The following LMO7 variants were observed in gnomAD, a reference collection of about 807,000 sequenced individuals.
The protein encoded by LMO7 is LIM domain 7.
In LMO7, 120 loss-of-function variants were observed where a neutral mutation model predicts 206.5. That is an observed-to-expected ratio of 0.58 (90% confidence interval 0.50 to 0.68). The LOEUF is 0.68. Ranked by LOEUF, LMO7 falls within the 30% of genes least tolerant of loss-of-function variation. The probability of loss-of-function intolerance (pLI) is 0.00; values close to 1 mark genes in which losing one functional copy is unlikely to be tolerated. For synonymous variants in LMO7, 706 were observed against 681.5 expected (o/e 1.04, Z -0.56); for missense variants, 1,959 against 1,957.9 (o/e 1.00, Z -0.01).
At chr13:75,669,583 G>A (rs1442536603) in intron 1 of LMO7, among the ~76,000 whole-genome samples, 1 of 152,128 alleles carries the variant, frequency 6.6e-6, no homozygotes, top group Non-Finnish European at 1.5e-5. Flanking sequence ...AAAATGAAGT[G>A]AATAGCATAG....
intron 1 of LMO7, among the ~76,000 whole-genome samples, chr13:75,684,191 A>G (rs983060724): frequency 1.3e-5 from 2 of 152,072 alleles, no homozygotes; most frequent in African/African-American, 4.8e-5. Flanking sequence ...TTTTTGGTGT[A>G]CAGAAGTACT....
chr13:75,636,452 G>C lies in LMO7; in HGVS notation c.-206G>C. 2 of 1,414,628 alleles carry C rather than the reference G, an allele frequency of 1.4e-6. No individual in the cohort carries two copies. Among genetic ancestry groups the C allele is most frequent in the Non-Finnish European group, 1.8e-6 (2 of 1,089,840 alleles). 87.6% of individuals were successfully genotyped at this position (1,414,628 alleles called of 1,614,324 possible). A position where few individuals can be genotyped will look rare whatever the true frequency, so the allele number is the denominator to read the frequency against. On this transcript the variant is annotated 5_prime_UTR_variant, in exon 1 of 31. Coordinates refer to ENST00000377534, the MANE Select transcript of LMO7 (RefSeq NM_001306080.2). ...GCTTTCAGGAGTTTAGAGAAAGCCA[G>C]GTCTTCACGTTCGTGTAGGTTCGAG...
At chr13:75,711,152 G>C (rs1337644161) in intron 1 of LMO7, among the ~76,000 whole-genome samples, 10 of 152,288 alleles carry the variant, frequency 6.6e-5, no homozygotes, top group Admixed American at 2.6e-4. Context: ...ATGAAGCCCA[G>C]TTGATCATGG....
intron 12 of LMO7, among the ~76,000 whole-genome samples, chr13:75,818,847 T>C (rs1297807502): frequency 6.6e-6 from 1 of 152,146 alleles, no homozygotes; most frequent in East Asian, 1.9e-4. Flanking sequence ...TATGTCTGTC[T>C]CTCCCCTGTA....
intron 1 of LMO7, 137 bp from the exon 2 acceptor site, chr13:75,713,045 G>C: frequency 1.8e-6 from 1 of 556,186 alleles, no homozygotes; most frequent in Non-Finnish European, 3.2e-6. Context: ...ATAAGGAACA[G>C]ATTATAGGAT....
At chr13:75,723,326 CAG>C (rs1246755372) in intron 2 of LMO7, among the ~76,000 whole-genome samples, 1 of 151,750 alleles carries the variant, frequency 6.6e-6, no homozygotes, top group Non-Finnish European at 1.5e-5. Flanking sequence ...ATGTATGTGA[CAG>C]AAAGATATTA....
chr13:75,722,536 A>T (rs1042521890), intron 2 of LMO7, among the ~76,000 whole-genome samples: 10 of 150,418 alleles, frequency 6.6e-5, no homozygotes, highest in South Asian at 2.1e-4. Context: ...TCAAAAAATT[A>T]AAAAAAAAAT....
At chr13:75,625,427 ATGTGTGTGTGTGTGTG>A (rs59334649) in intron 2 of LMO7, among the ~76,000 whole-genome samples, 1 of 103,556 alleles carries the variant, frequency 9.7e-6, no homozygotes, top group Non-Finnish European at 2.0e-5. Context: ...GTGTGTGTGC[ATGTGTGTGTGTGTGTG>A]TGTGTGTGTG....
At chr13:75,626,595 A>ATTTTTT (rs1240937141) in intron 2 of LMO7, among the ~76,000 whole-genome samples, 5 of 71,098 alleles carry the variant, frequency 7.0e-5, no homozygotes, top group Non-Finnish European at 1.8e-4. Flanking sequence ...ATATATATAA[A>ATTTTTT]TTTTTTTGAG....
chr13:75,808,320 T>C (rs761882389), intron 10 of LMO7, 121 bp downstream of exon 10: 98 of 1,156,622 alleles, frequency 8.5e-5, no homozygotes, highest in Non-Finnish European at 1.1e-4. Flanking sequence ...TTTTGAAGCA[T>C]CCCGTAAAAT....
At chr13:75,739,231 G>A (rs1190017855) in intron 3 of LMO7, among the ~76,000 whole-genome samples, 2 of 152,292 alleles carry the variant, frequency 1.3e-5, no homozygotes, top group Non-Finnish European at 2.9e-5. Context: ...CCTTTGAAAA[G>A]CAAAGATATT....
intron 1 of LMO7, among the ~76,000 whole-genome samples, chr13:75,690,669 G>A (rs1008345076): frequency 2.0e-5 from 3 of 152,292 alleles, no homozygotes; most frequent in African/African-American, 7.2e-5. Flanking sequence ...GTAAGTGATT[G>A]AAAGCTTATA....
chr13:75,657,872 G>C (rs150276321), intron 1 of LMO7, among the ~76,000 whole-genome samples: 2 of 152,174 alleles, frequency 1.3e-5, no homozygotes, highest in East Asian at 1.9e-4. Flanking sequence ...TCTTTGCTTT[G>C]ATGTCACAGT....
intron 2 of LMO7, among the ~76,000 whole-genome samples, chr13:75,716,889 A>G (rs2043574656): frequency 1.9e-5 from 2 of 103,224 alleles, no homozygotes; most frequent in Non-Finnish European, 3.7e-5. Context: ...TCAAATGAAA[A>G]CACTCTTTTT....
At chr13:75,708,949 C>T (rs908458095) in intron 1 of LMO7, among the ~76,000 whole-genome samples, 15 of 151,812 alleles carry the variant, frequency 9.9e-5, no homozygotes, top group Non-Finnish European at 2.1e-4. Context: ...CCTCCCCGCT[C>T]CCCCCACCCC....
intron 1 of LMO7, among the ~76,000 whole-genome samples, chr13:75,646,273 T>A (rs575668736): frequency 1.3e-5 from 2 of 152,210 alleles, no homozygotes; most frequent in Non-Finnish European, 2.9e-5. Context: ...TCTGACCACC[T>A]CTTGCCACAT....
chr13:75,709,945 G>A (rs1313632834), intron 1 of LMO7, among the ~76,000 whole-genome samples: 2 of 152,194 alleles, frequency 1.3e-5, no homozygotes, highest in African/African-American at 4.8e-5. Flanking sequence ...TAACATTTAA[G>A]TCTTTAATCC....
chr13:75,840,456 G>T lies in LMO7; in HGVS notation c.3543G>T (p.Arg1181=). ...GGGATCAAGAGGAGGAGCGGAAGCG[G>T]CAGGAGAGGTGGCAGAAGGAGCAGG... ...WVWDQEEERK[R]QERWQKEQDR... Residue 1181 remains arginine, a synonymous_variant, in exon 22 of 31, where the codon CGG becomes CGT. Coordinates refer to ENST00000377534, the MANE Select transcript of LMO7 (RefSeq NM_001306080.2). 6.2e-7 allele frequency: 1 copy of T among 1,613,984 alleles called. No individual in the cohort carries two copies. The highest frequency in any genetic ancestry group is 8.5e-7 in the Non-Finnish European group (1 of 1,179,948).
In LMO7 at chr13:75,717,903, A is replaced by C. The variant is rs544603326; in HGVS notation, c.140+4651A>C. Among the ~76,000 whole-genome samples, 3 of 152,348 alleles carry C rather than the reference A, an allele frequency of 2.0e-5. No individual in the cohort carries two copies. The East Asian group carries it at 5.8e-4, about 29-fold the overall frequency. ...TTACATACAGTGCTCCAGCATGCCA[A>C]CACTATTAACCCTGATCTGTTTTTA... On this transcript the variant is annotated intron_variant, in intron 2 of 30. Coordinates refer to ENST00000377534, the MANE Select transcript of LMO7 (RefSeq NM_001306080.2).
Sources: allele counts gnomAD v4.1 joint callset (sites outside exome capture counted in the v4.1 genomes callset), GRCh38; gene constraint gnomAD v4.1.1; transcripts MANE v1.5; gene names NCBI Gene and HGNC (gene_info 2026-07-23, HGNC 2026-07-21).